NTNG1: variants seen among roughly 807,000 people sequenced by gnomAD.
NTNG1 encodes the protein netrin G1, also known as netrin-G1.
NTNG1 carries 16 observed loss-of-function variants against 54.0 expected under a neutral mutation model. The ratio of observed to expected loss-of-function variants is 0.30; its 90% CI spans 0.20 to 0.45. The LOEUF is 0.45. Ranked by LOEUF, NTNG1 falls within the 20% of genes least tolerant of loss-of-function variation. The probability of loss-of-function intolerance (pLI) is 1.00; values close to 1 mark genes in which losing one functional copy is unlikely to be tolerated. For missense variants in NTNG1, 530 were observed against 678.7 expected, an observed-to-expected ratio of 0.78 and a Z score of 2.43; for synonymous variants, 255 against 263.1, an observed-to-expected ratio of 0.97 and a Z score of 0.30.
At chr1:107,473,002 C>G (rs183818460) in intron 7 of NTNG1, among the ~76,000 whole-genome samples, 165 of 152,236 alleles carry the variant, frequency 1.1e-3, no homozygotes, top group African/African-American at 3.8e-3. Flanking sequence ...GCCCACATAC[C>G]TTTGTTATTA....
At chr1:107,436,627 G>A (rs1214840026) in intron 6 of NTNG1, 38 bp from the exon 7 acceptor site, 1 of 1,602,478 alleles carries the variant, frequency 6.2e-7, no homozygotes, top group Non-Finnish European at 8.5e-7. Context: ...AAGCCATGCA[G>A]ACTTGTCTCC....
At chr1:107,388,685 G>A (rs1449218702) in intron 3 of NTNG1, among the ~76,000 whole-genome samples, 1 of 152,160 alleles carries the variant, frequency 6.6e-6, no homozygotes, top group Non-Finnish European at 1.5e-5. Context: ...GTAAGTAAGT[G>A]GCAAAGGAGG....
intron 2 of NTNG1, among the ~76,000 whole-genome samples, chr1:107,152,548 A>G (rs887381340): frequency 6.6e-6 from 1 of 152,232 alleles, no homozygotes; most frequent in Non-Finnish European, 1.5e-5. Flanking sequence ...AGTTAAACAG[A>G]CGCTTTGAAA....
intron 7 of NTNG1, among the ~76,000 whole-genome samples, chr1:107,471,152 G>T (rs968452047): frequency 6.6e-6 from 1 of 152,080 alleles, no homozygotes; most frequent in Non-Finnish European, 1.5e-5. Context: ...GAATAGAATG[G>T]CTACTCCCTA....
chr1:107,342,429 G>C (rs1439434847), intron 3 of NTNG1, among the ~76,000 whole-genome samples: 1 of 152,084 alleles, frequency 6.6e-6, no homozygotes, highest in Non-Finnish European at 1.5e-5. Context: ...GGAGGGCTCT[G>C]TACATTGAAA....
intron 3 of NTNG1, among the ~76,000 whole-genome samples, chr1:107,334,854 A>G (rs1668488514): frequency 6.6e-6 from 1 of 151,972 alleles, no homozygotes; most frequent in Non-Finnish European, 1.5e-5. Flanking sequence ...TCTAAGCATC[A>G]CGTAGAGGAC....
At chr1:107,330,789 G>T (rs768682606) in intron 3 of NTNG1, 1 of 152,144 alleles carries the variant, frequency 6.6e-6, no homozygotes, top group South Asian at 2.1e-4. Context: ...TTTGAGAATC[G>T]ATGACATTGA....
chr1:107,420,074 T>C (rs1416936651), intron 5 of NTNG1, among the ~76,000 whole-genome samples: 1 of 152,032 alleles, frequency 6.6e-6, no homozygotes, highest in Non-Finnish European at 1.5e-5. Context: ...AATTTCATAG[T>C]TCACAAATTA....
chr1:107,348,414 C>T (rs1669395486), intron 3 of NTNG1, among the ~76,000 whole-genome samples: 1 of 152,192 alleles, frequency 6.6e-6, no homozygotes, highest in Non-Finnish European at 1.5e-5. Context: ...GCTTGAGCCA[C>T]TGTGCCTGTC....
intron 2 of NTNG1, among the ~76,000 whole-genome samples, chr1:107,301,899 T>C (rs1223937063): frequency 4.6e-5 from 7 of 152,192 alleles, no homozygotes; most frequent in Non-Finnish European, 7.4e-5. Flanking sequence ...AGCGTCTATA[T>C]GGCTAATACT....
chr1:107,140,417 G>A (rs1557752875), upstream of NTNG1, among the ~76,000 whole-genome samples: 1 of 152,102 alleles, frequency 6.6e-6, no homozygotes, highest in Non-Finnish European at 1.5e-5. Context: ...TCCCGGCCGG[G>A]AGCCGCTGGT....
At chr1:107,365,352 C>T (rs1338246208) in intron 3 of NTNG1, among the ~76,000 whole-genome samples, 1 of 152,100 alleles carries the variant, frequency 6.6e-6, no homozygotes, top group Non-Finnish European at 1.5e-5. Flanking sequence ...AAAAAGATAA[C>T]CAAAGGGTCA....
chr1:107,457,334 G>A (rs1677010881), intron 7 of NTNG1, among the ~76,000 whole-genome samples: 1 of 152,140 alleles, frequency 6.6e-6, no homozygotes, highest in African/African-American at 2.4e-5. Context: ...GTACATATTT[G>A]GAAAAGTCTA....
At chr1:107,274,309 A>C (rs1664332604) in intron 2 of NTNG1, among the ~76,000 whole-genome samples, 1 of 152,240 alleles carries the variant, frequency 6.6e-6, no homozygotes, top group African/African-American at 2.4e-5. Flanking sequence ...TTTCAGGGAA[A>C]TGAAATCGCT....
intron 3 of NTNG1, among the ~76,000 whole-genome samples, chr1:107,385,517 T>C: frequency 6.6e-6 from 1 of 151,826 alleles, no homozygotes; most frequent in African/African-American, 2.4e-5. Context: ...TGGCCACACC[T>C]AGCTAGAGAA....
At chr1:107,350,003 T>C (rs1025674058) in intron 3 of NTNG1, among the ~76,000 whole-genome samples, 4 of 152,190 alleles carry the variant, frequency 2.6e-5, no homozygotes, top group Non-Finnish European at 2.9e-5. Flanking sequence ...TTCCAAAGTG[T>C]TGTACTAATT....
chr1:107,460,111 T>G (rs12069357), intron 7 of NTNG1, among the ~76,000 whole-genome samples: 4 of 152,182 alleles, frequency 2.6e-5, no homozygotes, highest in East Asian at 1.9e-4. Flanking sequence ...CAGTTCTCAG[T>G]GCAACGAGCA....
rs113540501 is a variant in NTNG1, at chr1:107,401,213, A to C, written c.1060+5887A>C. ...AGCATATCGGATGGCGGATTTTCAC[A>C]GGCCTCCCCGAGGGTTATTTACTGC... On this transcript the variant is annotated intron_variant, in intron 4 of 7. Transcript: ENST00000370068. Among the ~76,000 whole-genome samples the C allele has an allele frequency of 5.3e-3, 804 of 152,160 alleles. 11 individuals are homozygous for C. Among genetic ancestry groups the C allele is most frequent in the African/African-American group, 0.017 (727 of 41,550 alleles).
At chr1:107,479,005 A>G (rs779996939) in intron 7 of NTNG1, among the ~76,000 whole-genome samples, 51 of 152,262 alleles carry the variant, frequency 3.3e-4, no homozygotes, top group Non-Finnish European at 6.6e-4. Context: ...TTATATAATC[A>G]TTAGAAACCA....
Sources: allele counts gnomAD v4.1 joint callset (sites outside exome capture counted in the v4.1 genomes callset), GRCh38; gene constraint gnomAD v4.1.1; transcripts MANE v1.5; gene names NCBI Gene and HGNC (gene_info 2026-07-23, HGNC 2026-07-21).